NDRG3: variants seen among roughly 807,000 people sequenced by gnomAD.
The protein encoded by NDRG3 is protein NDRG3.
Under a neutral mutation model 57.2 loss-of-function variants are expected in NDRG3, and 23 were observed. The ratio of observed to expected loss-of-function variants is 0.40; its 90% CI spans 0.29 to 0.57. NDRG3 has a LOEUF of 0.57. NDRG3 is among the 20% of genes least tolerant of loss of function. The probability of loss-of-function intolerance (pLI) is 0.42; values close to 1 mark genes in which losing one functional copy is unlikely to be tolerated. For missense variants in NDRG3, 384 were observed against 457.3 expected (o/e 0.84, Z 1.46); for synonymous variants, 132 against 162.6 (o/e 0.81, Z 1.43).
At chr20:36,676,171 C>T (rs562557601) in intron 8 of NDRG3, among the ~76,000 whole-genome samples, 4 of 151,840 alleles carry the variant, frequency 2.6e-5, no homozygotes, top group Admixed American at 2.6e-4. Flanking sequence ...ACCCGGGAGG[C>T]GGAGCTTGCA....
chr20:36,710,099 C>G (rs755476817), intron 2 of NDRG3, among the ~76,000 whole-genome samples: 9 of 151,980 alleles, frequency 5.9e-5, no homozygotes, highest in Non-Finnish European at 1.0e-4. Context: ...GCAGGCAGAT[C>G]ACTTGAGCTC....
chr20:36,729,609 C>G (rs1410818551), intron 1 of NDRG3, among the ~76,000 whole-genome samples: 1 of 151,968 alleles, frequency 6.6e-6, no homozygotes, highest in Non-Finnish European at 1.5e-5. Context: ...CTACCTGCAA[C>G]CTCTGTCTTC....
chr20:36,670,999 T>C (rs1477186917), intron 9 of NDRG3, among the ~76,000 whole-genome samples: 3 of 152,214 alleles, frequency 2.0e-5, no homozygotes, highest in African/African-American at 7.2e-5. Flanking sequence ...TTCAAGGTTT[T>C]TCCCCCTGAA....
chr20:36,659,096 G>A (rs535378593), intron 13 of NDRG3, among the ~76,000 whole-genome samples: 27 of 151,744 alleles, frequency 1.8e-4, no homozygotes, highest in African/African-American at 6.0e-4. Flanking sequence ...CTACGGATGC[G>A]CACCACCAAG....
At chr20:36,689,131 T>A (rs923439881) in intron 3 of NDRG3, among the ~76,000 whole-genome samples, 49 of 152,204 alleles carry the variant, frequency 3.2e-4, no homozygotes, top group African/African-American at 1.1e-3. Context: ...GAGGCAGAGA[T>A]TACAGTGAGC....
chr20:36,654,303 G>A (rs1978463178), intron 15 of NDRG3, among the ~76,000 whole-genome samples: 1 of 152,126 alleles, frequency 6.6e-6, no homozygotes, highest in Non-Finnish European at 1.5e-5. Context: ...TTCTGCCACT[G>A]CTTGACTCTA....
At chr20:36,744,180 G>T (rs1039094285) in intron 1 of NDRG3, among the ~76,000 whole-genome samples, 2 of 152,118 alleles carry the variant, frequency 1.3e-5, no homozygotes, top group Non-Finnish European at 2.9e-5. Context: ...GGGATTACAG[G>T]CGTGAGCCGC....
chr20:36,685,116 A>T (rs1049923600), intron 5 of NDRG3, among the ~76,000 whole-genome samples: 1 of 152,158 alleles, frequency 6.6e-6, no homozygotes, highest in Non-Finnish European at 1.5e-5. Context: ...GTCCAGGCTC[A>T]GTAAACCTCC....
chr20:36,660,058 A>T (rs573813611), intron 13 of NDRG3, among the ~76,000 whole-genome samples: 8 of 151,912 alleles, frequency 5.3e-5, no homozygotes, highest in Non-Finnish European at 1.0e-4. Context: ...AATACGAAAA[A>T]TTAGCCGGGC....
intron 1 of NDRG3, among the ~76,000 whole-genome samples, chr20:36,725,644 C>T (rs1984888191): frequency 6.7e-6 from 1 of 149,486 alleles, no homozygotes; most frequent in Non-Finnish European, 1.5e-5. Flanking sequence ...ACAGAAATCA[C>T]AGAATAATGA....
intron 7 of NDRG3, among the ~76,000 whole-genome samples, chr20:36,681,633 C>G (rs13038308): frequency 1.6e-5 from 2 of 127,500 alleles, no homozygotes; most frequent in African/African-American, 3.3e-5. Context: ...AAGACTTCAT[C>G]TCAAAAAAAA....
intron 4 of NDRG3, 92 bp from the exon 5 acceptor site, chr20:36,687,704 C>T (rs1280851585): frequency 2.1e-6 from 3 of 1,431,518 alleles, no homozygotes; most frequent in African/African-American, 2.9e-5. Context: ...CCTTCTTTCC[C>T]TGCTTTTTAA....
intron 5 of NDRG3, among the ~76,000 whole-genome samples, chr20:36,686,638 G>A (rs221307): frequency 0.9 from 136,969 of 152,198 alleles, 62,075 homozygotes; most frequent in African/African-American, 0.98. Context: ...GGGAGCCTAT[G>A]ACTCTGCCCT....
At chr20:36,682,487 G>T in intron 7 of NDRG3, 31 bp downstream of exon 7, 1 of 1,575,892 alleles carries the variant, frequency 6.3e-7, no homozygotes, top group Non-Finnish European at 8.7e-7. Context: ...ACTGCCTCAA[G>T]GATGTTGAGG....
At position 36,693,609 on chromosome 20, in the gene NDRG3, G is replaced by A. The variant is rs369927988; in HGVS notation, c.94-4825C>T. Among the ~76,000 whole-genome samples, 150 of 151,936 alleles carry A rather than the reference G, an allele frequency of 9.9e-4. 1 individual carries two copies. In the South Asian group the frequency reaches 0.028, roughly 28 times the overall value. On this transcript the variant is annotated intron_variant, in intron 3 of 15. Transcript: ENST00000349004. The stretch of plus-strand genomic sequence containing the variant: ...GCTTCTGTCTTAAGAGCCACTCCCC[G>A]TTGCACTGCCTGAGCTCTACCTCCT...
Position 36,689,784 on chromosome 20 carries a change from G to A in NDRG3, c.94-1000C>T, listed in dbSNP as rs183684925. Among the ~76,000 whole-genome samples the A allele has an allele frequency of 1.9e-3, 275 of 147,650 alleles. 2 individuals carry two copies. The highest frequency in any genetic ancestry group is 6.5e-3 in the African/African-American group (257 of 39,840). On this transcript the variant is annotated intron_variant, in intron 3 of 15. Transcript: ENST00000349004. ...CACCCAGGCTGGAGTGCAGTGGCGC[G>A]ATCTCGGCTCACTGCAAGCTCCGCC...
intron 2 of NDRG3, among the ~76,000 whole-genome samples, chr20:36,711,569 C>T (rs1341023893): frequency 6.6e-6 from 1 of 152,158 alleles, no homozygotes; most frequent in Non-Finnish European, 1.5e-5. Flanking sequence ...GTGACCATGA[C>T]CATGAGGCAT....
Position 36,714,369 on chromosome 20 carries a change from C to T in NDRG3, c.57+7310G>A, listed in dbSNP as rs183787128. 2.6e-3 allele frequency among the ~76,000 whole-genome samples: 364 copies of T among 142,018 alleles called. 2 individuals carry two copies. The highest frequency in any genetic ancestry group is 4.7e-3 in the Non-Finnish European group (313 of 66,038). 93.2% of individuals were successfully genotyped at this position (142,018 alleles called of 152,430 possible). A position where few individuals can be genotyped will look rare whatever the true frequency, so the allele number is the denominator to read the frequency against. ...GCAGTGAGCCGAGACCACATCATTG[C>T]ACTCCAGCCTGGGCAACAGAGCAAG... On this transcript the variant is annotated intron_variant, in intron 2 of 15. Transcript: ENST00000349004.
intron 1 of NDRG3, among the ~76,000 whole-genome samples, chr20:36,731,819 AAAAG>A (rs889653484): frequency 2.6e-5 from 4 of 151,832 alleles, no homozygotes; most frequent in African/African-American, 9.7e-5. Context: ...CAAAAAAAAA[AAAAG>A]AAAGAAAAGA....
Sources: gnomAD v4.1 joint callset for allele counts (sites outside exome capture counted in the v4.1 genomes callset) on GRCh38, gnomAD v4.1.1 for gene constraint, MANE v1.5 for transcripts, NCBI Gene and HGNC (gene_info 2026-07-23, HGNC 2026-07-21) for gene names.